The following SLIT2 variants were observed in gnomAD, a reference collection of about 807,000 sequenced individuals.
SLIT2 encodes slit homolog 2 protein.
SLIT2 carries 41 observed loss-of-function variants against 185.7 expected under a neutral mutation model. The observed-to-expected ratio is 0.22, with a 90% CI of 0.17 to 0.29. The LOEUF is 0.29. SLIT2 is among the 10% of genes least tolerant of loss of function. The probability of loss-of-function intolerance (pLI) is 1.00; values close to 1 mark genes in which losing one functional copy is unlikely to be tolerated. For synonymous variants in SLIT2, 693 were observed against 680.2 expected, an observed-to-expected ratio of 1.02 and a Z score of -0.29; for missense variants, 1,571 against 1,909.0, an observed-to-expected ratio of 0.82 and a Z score of 3.30.
At chr4:20,606,616 G>A (rs1340557792) in intron 33 of SLIT2, among the ~76,000 whole-genome samples, 1 of 152,180 alleles carries the variant, frequency 6.6e-6, no homozygotes, top group Non-Finnish European at 1.5e-5. Context: ...AAGTTCTGGT[G>A]TGATCAGATT....
chr4:20,516,737 T>C (rs531520283), intron 11 of SLIT2, among the ~76,000 whole-genome samples: 1 of 152,328 alleles, frequency 6.6e-6, no homozygotes, highest in East Asian at 1.9e-4. Context: ...TAAAATACTG[T>C]ACCCAGCCCT....
chr4:20,568,436 A>G (rs550673235), intron 28 of SLIT2, among the ~76,000 whole-genome samples: 4 of 152,136 alleles, frequency 2.6e-5, no homozygotes, highest in Admixed American at 1.3e-4. Flanking sequence ...CATCAAGGAC[A>G]TTATAAGTAT....
intron 4 of SLIT2, among the ~76,000 whole-genome samples, chr4:20,462,821 A>T (rs147519569): frequency 6.6e-6 from 1 of 152,158 alleles, no homozygotes; most frequent in Non-Finnish European, 1.5e-5. Context: ...CTCATTCCAC[A>T]CAGGTCATAG....
At position 20,333,119 on chromosome 4, in the gene SLIT2, G is replaced by A. The variant is rs577271977; in HGVS notation, c.395+64238G>A. 8.5e-5 allele frequency among the ~76,000 whole-genome samples: 13 copies of A among 152,200 alleles called. No homozygotes were observed. In the East Asian group the frequency reaches 2.1e-3, roughly 25 times the overall value. On this transcript the variant is annotated intron_variant, in intron 4 of 36. Transcript: ENST00000504154. ...ATTGTCCTTTTATTTGCAAGAAAAA[G>A]TAGCATATTTGGAGGAGAATACCCT...
intron 4 of SLIT2, among the ~76,000 whole-genome samples, chr4:20,431,951 T>C (rs1302258603): frequency 6.6e-6 from 1 of 151,980 alleles, no homozygotes; most frequent in Non-Finnish European, 1.5e-5. Context: ...CTCTCTCTCT[T>C]TCTCTTTCTC....
intron 4 of SLIT2, among the ~76,000 whole-genome samples, chr4:20,365,172 C>T (rs1271067599): frequency 6.6e-6 from 1 of 152,172 alleles, no homozygotes; most frequent in Admixed American, 6.5e-5. Context: ...AAGTGTTTAA[C>T]TGCTGGACAG....
At chr4:20,466,829 CATT>C (rs1206616449) in intron 4 of SLIT2, among the ~76,000 whole-genome samples, 2 of 152,164 alleles carry the variant, frequency 1.3e-5, no homozygotes, top group Non-Finnish European at 2.9e-5. Flanking sequence ...TTAATACCAT[CATT>C]GTTGCTTTAA....
intron 4 of SLIT2, among the ~76,000 whole-genome samples, chr4:20,467,491 G>A (rs1049914916): frequency 6.6e-6 from 1 of 151,856 alleles, no homozygotes; most frequent in African/African-American, 2.4e-5. Flanking sequence ...TTAAATTTAC[G>A]AGTACCATAT....
intron 4 of SLIT2, among the ~76,000 whole-genome samples, chr4:20,378,403 CTATT>C (rs1313699866): frequency 6.6e-5 from 10 of 152,174 alleles, no homozygotes; most frequent in East Asian, 5.8e-4. Context: ...TAGTAAATGA[CTATT>C]TATCCTTTTG....
intron 33 of SLIT2, among the ~76,000 whole-genome samples, chr4:20,609,726 T>G (rs958099902): frequency 6.6e-6 from 1 of 152,356 alleles, no homozygotes; most frequent in South Asian, 2.1e-4. Flanking sequence ...TTTGAAATTG[T>G]TACATATTGA....
chr4:20,411,710 G>C (rs953590318), intron 4 of SLIT2, among the ~76,000 whole-genome samples: 3 of 152,132 alleles, frequency 2.0e-5, no homozygotes, highest in Non-Finnish European at 2.9e-5. Flanking sequence ...CACTACATTA[G>C]AATTCAAAGC....
intron 4 of SLIT2, among the ~76,000 whole-genome samples, chr4:20,337,441 C>T (rs1052951189): frequency 6.6e-6 from 1 of 151,754 alleles, no homozygotes; most frequent in African/African-American, 2.4e-5. Context: ...ATACCCAGCA[C>T]AGTCAGTCCT....
intron 4 of SLIT2, among the ~76,000 whole-genome samples, chr4:20,302,054 A>G (rs370475885): frequency 6.6e-6 from 1 of 152,220 alleles, no homozygotes; most frequent in Non-Finnish European, 1.5e-5. Context: ...TTACAGAAAG[A>G]GTATGTATCT....
chr4:20,325,644 T>C (rs1427698046), intron 4 of SLIT2, among the ~76,000 whole-genome samples: 1 of 152,172 alleles, frequency 6.6e-6, no homozygotes, highest in Non-Finnish European at 1.5e-5. Flanking sequence ...ATAAGTATGA[T>C]AAAATATTTT....
chr4:20,331,223 GAAAT>G (rs1008298789), intron 4 of SLIT2, among the ~76,000 whole-genome samples: 2 of 152,042 alleles, frequency 1.3e-5, no homozygotes, highest in African/African-American at 4.8e-5. Flanking sequence ...AAAAAACAGA[GAAAT>G]AAATTATGAT....
chr4:20,446,251 TG>T (rs1360601833), intron 4 of SLIT2, among the ~76,000 whole-genome samples: 4 of 152,208 alleles, frequency 2.6e-5, no homozygotes, highest in Non-Finnish European at 5.9e-5. Context: ...AGCTCAGCCA[TG>T]AGCTTGATTT....
In SLIT2 at chr4:20,596,634, T is replaced by C; in HGVS notation, c.3540T>C (p.Pro1180=). The change falls in exon 32 of 37, where the codon CCT becomes CCC. Residue 1180 remains proline, a synonymous_variant. Transcript: ENST00000504154. ...YLQIPSAKVR[P]QTNITLQIAT... ...AGATTCCTTCAGCCAAGGTTCGGCC[T>C]CAGACGAACATAACACTTCAGGTAA... The C allele has an allele frequency of 6.2e-7, 1 of 1,613,396 alleles. No individual in the cohort carries two copies. The highest frequency in any genetic ancestry group is 1.1e-5 in the South Asian group (1 of 91,066).
At chr4:20,617,925 A>T (rs138714498) in intron 36 of SLIT2, among the ~76,000 whole-genome samples, 1 of 152,106 alleles carries the variant, frequency 6.6e-6, no homozygotes, top group African/African-American at 2.4e-5. Flanking sequence ...TCACAAGTTG[A>T]TTTGTTGTAA....
At position 20,291,478 on chromosome 4, in the gene SLIT2, ATATATATATATATATTTTTTTT is replaced by A. The variant is rs1398835882; in HGVS notation, c.395+22599_395+22620del. 3.1e-4 allele frequency among the ~76,000 whole-genome samples: 5 copies of A among 15,966 alleles called. No homozygotes were observed. In the East Asian group the frequency reaches 0.017, roughly 54 times the overall value. 10.5% of individuals were successfully genotyped at this position (15,966 alleles called of 152,430 possible). ...TATATATATATATATATATATATAT[ATATATATATATATATTTTTTTT>A]TTTTTTTTTTTTTTTTTTTTTTTAC... On this transcript the variant is annotated intron_variant, in intron 4 of 36. Coordinates refer to ENST00000504154, the MANE Select transcript of SLIT2 (RefSeq NM_004787.4).
Sources: gnomAD v4.1 joint callset for allele counts (sites outside exome capture counted in the v4.1 genomes callset) on GRCh38, gnomAD v4.1.1 for gene constraint, MANE v1.5 for transcripts, NCBI Gene and HGNC (gene_info 2026-07-23, HGNC 2026-07-21) for gene names.